RORA: variants seen among roughly 807,000 people sequenced by gnomAD.
The protein encoded by RORA is nuclear receptor ROR-alpha.
In RORA, 7 loss-of-function variants were observed where a neutral mutation model predicts 69.5. The ratio of observed to expected loss-of-function variants is 0.10; its 90% confidence interval spans 0.06 to 0.19. RORA has a LOEUF of 0.19. RORA is among the 10% of genes least tolerant of loss of function. The pLI is 1.00. For synonymous variants in RORA, 261 were observed against 240.8 expected, an observed-to-expected ratio of 1.08 and a Z score of -0.78; for missense variants, 457 against 663.0, an observed-to-expected ratio of 0.69 and a Z score of 3.41.
At chr15:60,710,836 G>A (rs779018343) in intron 1 of RORA, among the ~76,000 whole-genome samples, 6 of 152,228 alleles carry the variant, frequency 3.9e-5, no homozygotes, top group South Asian at 4.1e-4. Flanking sequence ...GGAGGGCCCC[G>A]CATGAAGAAT....
intron 1 of RORA, among the ~76,000 whole-genome samples, chr15:61,154,242 G>A (rs2079423229): frequency 6.6e-6 from 1 of 151,986 alleles, no homozygotes; most frequent in Non-Finnish European, 1.5e-5. Flanking sequence ...TCCTATTTGT[G>A]GGATGAAAAG....
chr15:60,561,274 G>T (rs1443528654), intron 2 of RORA, among the ~76,000 whole-genome samples: 1 of 151,512 alleles, frequency 6.6e-6, no homozygotes, highest in Non-Finnish European at 1.5e-5. Flanking sequence ...GTAGAGACGG[G>T]GTTTCACCGT....
At chr15:60,641,751 A>G (rs1217988688) in intron 2 of RORA, among the ~76,000 whole-genome samples, 5 of 152,208 alleles carry the variant, frequency 3.3e-5, no homozygotes. Context: ...CTTGGACAGA[A>G]AGACTAAATC....
chr15:60,548,605 T>TACTA (rs915352713), intron 2 of RORA, among the ~76,000 whole-genome samples: 6 of 152,174 alleles, frequency 3.9e-5, no homozygotes, highest in South Asian at 2.1e-4. Context: ...GAAGTATAAC[T>TACTA]ACTACACTTC....
intron 1 of RORA, among the ~76,000 whole-genome samples, chr15:61,137,009 A>C (rs558822568): frequency 6.8e-6 from 1 of 146,986 alleles, no homozygotes; most frequent in Admixed American, 7.0e-5. Flanking sequence ...CCCCTCTAAA[A>C]AATAAATAAA....
At chr15:61,075,181 T>TA (rs2078431012) in intron 1 of RORA, among the ~76,000 whole-genome samples, 1 of 151,786 alleles carries the variant, frequency 6.6e-6, no homozygotes, top group African/African-American at 2.4e-5. Context: ...CAAATGGAGC[T>TA]AGTAGGTATT....
rs535120337 is a variant in RORA, at chr15:60,940,366, C to T, written c.167-261680G>A. ...TTATAATACAACAACATGGATGAAT[C>T]TCAAAAACATCCGCTAGGTGAAAGA... On this transcript the variant is annotated intron_variant, in intron 1 of 10. Coordinates refer to ENST00000335670, the MANE Select transcript of RORA (RefSeq NM_134261.3). 7.9e-5 allele frequency among the ~76,000 whole-genome samples: 12 copies of T among 152,228 alleles called. No individual in the cohort carries two copies. The South Asian group carries it at 2.5e-3, about 32-fold the overall frequency.
chr15:60,982,202 T>C (rs1216304622), intron 1 of RORA, among the ~76,000 whole-genome samples: 1 of 152,248 alleles, frequency 6.6e-6, no homozygotes, highest in Non-Finnish European at 1.5e-5. Context: ...GGCAGTTTAC[T>C]ACTCAGCCTT....
intron 1 of RORA, among the ~76,000 whole-genome samples, chr15:60,955,070 G>A (rs1374330265): frequency 1.3e-5 from 2 of 152,182 alleles, no homozygotes; most frequent in Non-Finnish European, 2.9e-5. Context: ...TTGGGAGGCC[G>A]AGGTGGGTGG....
chr15:60,687,232 A>T (rs2070763151), intron 1 of RORA, among the ~76,000 whole-genome samples: 1 of 152,214 alleles, frequency 6.6e-6, no homozygotes, highest in African/African-American at 2.4e-5. Flanking sequence ...TGGGGTATTA[A>T]ACAAATATTT....
chr15:61,193,065 A>G (rs888505373), intron 1 of RORA, among the ~76,000 whole-genome samples: 16 of 8,886 alleles, frequency 1.8e-3, no homozygotes, highest in Non-Finnish European at 4.2e-3. Context: ...ACCAGCCCCT[A>G]TTCTCTCTCC....
At chr15:61,143,535 C>T (rs189391918) in intron 1 of RORA, among the ~76,000 whole-genome samples, 1 of 152,220 alleles carries the variant, frequency 6.6e-6, no homozygotes, top group African/African-American at 2.4e-5. Context: ...TTAAGACATA[C>T]AGTAAAGCTA....
At chr15:60,682,458 C>T (rs2070658099) in intron 1 of RORA, 1 of 152,094 alleles carries the variant, frequency 6.6e-6, no homozygotes, top group Non-Finnish European at 1.5e-5. Context: ...TTCTAGATCC[C>T]AAGCTCCATT....
At chr15:61,178,867 C>A (rs917790607) in intron 1 of RORA, among the ~76,000 whole-genome samples, 1 of 152,176 alleles carries the variant, frequency 6.6e-6, no homozygotes, top group South Asian at 2.1e-4. Context: ...ATAGACTATA[C>A]CCGCTTTTGA....
At chr15:61,175,902 C>T (rs2079625341) in intron 1 of RORA, among the ~76,000 whole-genome samples, 2 of 152,212 alleles carry the variant, frequency 1.3e-5, no homozygotes, top group African/African-American at 4.8e-5. Context: ...GTTATTGTAG[C>T]AGTGAAACAA....
At chr15:60,800,798 C>A (rs554058571) in intron 1 of RORA, among the ~76,000 whole-genome samples, 1 of 152,192 alleles carries the variant, frequency 6.6e-6, no homozygotes, top group South Asian at 2.1e-4. Context: ...AAGAGGCCTG[C>A]TCCCTCAGCA....
rs76966246 is a variant in RORA at position 60,895,490 on chromosome 15, C to T, written c.167-216804G>A. 3.8e-3 allele frequency among the ~76,000 whole-genome samples: 584 copies of T among 152,260 alleles called. 6 individuals are homozygous for T. The highest frequency in any genetic ancestry group is 0.013 in the African/African-American group (549 of 41,544). On this transcript the variant is annotated intron_variant, in intron 1 of 10. Transcript: ENST00000335670. ...TAAATCCTCCGTCAGAGAGATTTTT[C>T]TCAACAGTCGTAAATGGGTTTTAGT...
intron 1 of RORA, among the ~76,000 whole-genome samples, chr15:60,831,346 A>G (rs1322974003): frequency 6.6e-6 from 1 of 152,140 alleles, no homozygotes; most frequent in East Asian, 1.9e-4. Flanking sequence ...CTCACGACTC[A>G]GTGGTCACAC....
intron 1 of RORA, among the ~76,000 whole-genome samples, chr15:61,024,002 T>TA (rs1318296973): frequency 2.7e-5 from 4 of 150,896 alleles, no homozygotes; most frequent in African/African-American, 7.3e-5. Flanking sequence ...TAAGAGTCTA[T>TA]GGAAACAAAA....
Sources: gnomAD v4.1 joint callset for allele counts (sites outside exome capture counted in the v4.1 genomes callset) on GRCh38, gnomAD v4.1.1 for gene constraint, MANE v1.5 for transcripts, NCBI Gene and HGNC (gene_info 2026-07-23, HGNC 2026-07-21) for gene names.